SUPT3H: variants seen among roughly 807,000 people sequenced by gnomAD.
SUPT3H encodes the protein SPT3 homolog, SAGA and STAGA complex component.
In SUPT3H, 44 loss-of-function variants were observed where a neutral mutation model predicts 44.3. The observed-to-expected ratio is 0.99, with a 90% CI of 0.78 to 1.28. SUPT3H has a LOEUF of 1.28. Ranked by LOEUF, SUPT3H falls within the 50% of genes most tolerant of loss-of-function variation. The probability of loss-of-function intolerance (pLI) is 0.00; values close to 1 mark genes in which losing one functional copy is unlikely to be tolerated. For missense variants in SUPT3H, 380 were observed against 387.1 expected, an observed-to-expected ratio of 0.98 and a Z score of 0.15; for synonymous variants, 124 against 125.6, an observed-to-expected ratio of 0.99 and a Z score of 0.09.
intron 10 of SUPT3H, among the ~76,000 whole-genome samples, chr6:44,854,520 G>A (rs539332782): frequency 6.6e-6 from 1 of 152,242 alleles, no homozygotes; most frequent in Admixed American, 6.5e-5. Context: ...TGGCATCAAT[G>A]TTACTGAACA....
chr6:44,938,414 C>A (rs1590864), intron 9 of SUPT3H, among the ~76,000 whole-genome samples: 51,048 of 151,912 alleles, frequency 0.34, 9,497 homozygotes, highest in Admixed American at 0.41. Flanking sequence ...GGGTTACCTA[C>A]TCTCTTCCAT....
At chr6:45,257,876 A>G (rs1409430373) in intron 2 of SUPT3H, among the ~76,000 whole-genome samples, 1 of 152,230 alleles carries the variant, frequency 6.6e-6, no homozygotes, top group Non-Finnish European at 1.5e-5. Context: ...CTTTGCCACA[A>G]AATACCTCAT....
chr6:45,339,503 C>T (rs1789315945), intron 2 of SUPT3H, among the ~76,000 whole-genome samples: 1 of 152,046 alleles, frequency 6.6e-6, no homozygotes, highest in South Asian at 2.1e-4. Flanking sequence ...TCCTTTCTTT[C>T]CTTCCTTTTC....
chr6:45,087,396 A>G (rs1402166411), intron 3 of SUPT3H, among the ~76,000 whole-genome samples: 2 of 151,938 alleles, frequency 1.3e-5, no homozygotes, highest in African/African-American at 4.8e-5. Context: ...TGCTTCTCTT[A>G]AAATTTTAGT....
chr6:44,909,222 A>G (rs959437621), intron 10 of SUPT3H, among the ~76,000 whole-genome samples: 1 of 151,602 alleles, frequency 6.6e-6, no homozygotes, highest in Non-Finnish European at 1.5e-5. Flanking sequence ...TAAACTTGCT[A>G]TCCATATTTG....
intron 2 of SUPT3H, among the ~76,000 whole-genome samples, chr6:45,175,807 T>C (rs1021317423): frequency 1.3e-5 from 2 of 152,182 alleles, no homozygotes; most frequent in Admixed American, 6.5e-5. Flanking sequence ...AAAAATAAGC[T>C]TATACTGAGA....
At chr6:44,915,285 G>A (rs928870115) in intron 10 of SUPT3H, among the ~76,000 whole-genome samples, 1 of 152,182 alleles carries the variant, frequency 6.6e-6, no homozygotes, top group African/African-American at 2.4e-5. Flanking sequence ...GTAACTATCA[G>A]ATGCTAAGAT....
At chr6:45,268,466 G>C (rs1775604575) in intron 2 of SUPT3H, among the ~76,000 whole-genome samples, 1 of 152,088 alleles carries the variant, frequency 6.6e-6, no homozygotes, top group Admixed American at 6.6e-5. Flanking sequence ...ATTTTTTAAT[G>C]AACGATTCGG....
intron 6 of SUPT3H, among the ~76,000 whole-genome samples, chr6:44,996,950 C>A (rs1781353100): frequency 5.9e-5 from 9 of 151,648 alleles, no homozygotes; most frequent in Admixed American, 5.9e-4. Context: ...ACTAATTCTT[C>A]TTTATATTTA....
At chr6:45,271,007 C>T (rs1776043106) in intron 2 of SUPT3H, among the ~76,000 whole-genome samples, 1 of 152,104 alleles carries the variant, frequency 6.6e-6, no homozygotes. Flanking sequence ...GAACTTTGAA[C>T]TTGAGAGAGA....
intron 3 of SUPT3H, among the ~76,000 whole-genome samples, chr6:45,047,162 A>G (rs1398641024): frequency 1.3e-5 from 2 of 152,180 alleles, no homozygotes; most frequent in Non-Finnish European, 2.9e-5. Flanking sequence ...AGTCAGTTTT[A>G]CTTTTTTCTT....
At chr6:45,289,697 G>T (rs1198427084) in intron 2 of SUPT3H, among the ~76,000 whole-genome samples, 1 of 152,090 alleles carries the variant, frequency 6.6e-6, no homozygotes, top group African/African-American at 2.4e-5. Context: ...AAAGGAATAA[G>T]TAAACACGAG....
At chr6:45,216,931 T>G (rs1765151096) in intron 2 of SUPT3H, among the ~76,000 whole-genome samples, 1 of 152,100 alleles carries the variant, frequency 6.6e-6, no homozygotes, top group Non-Finnish European at 1.5e-5. Context: ...ATGTGGAAGC[T>G]AAAAAATTTG....
intron 10 of SUPT3H, among the ~76,000 whole-genome samples, chr6:44,830,177 G>A (rs1768373283): frequency 6.6e-6 from 1 of 152,172 alleles, no homozygotes; most frequent in South Asian, 2.1e-4. Context: ...TTATAAACAT[G>A]TGTTCTCTAT....
chr6:45,178,536 A>T (rs1022711987), intron 2 of SUPT3H, among the ~76,000 whole-genome samples: 10 of 152,024 alleles, frequency 6.6e-5, no homozygotes, highest in Admixed American at 1.3e-4. Flanking sequence ...GATACCCAGG[A>T]ATTGAACTCA....
chr6:45,145,743 G>T (rs1200173567), intron 2 of SUPT3H, among the ~76,000 whole-genome samples: 2 of 151,982 alleles, frequency 1.3e-5, no homozygotes, highest in Non-Finnish European at 2.9e-5. Context: ...CAGAGTAGAA[G>T]AAAATAGTCA....
intron 10 of SUPT3H, among the ~76,000 whole-genome samples, chr6:44,925,082 A>C (rs1456662668): frequency 6.6e-6 from 1 of 152,184 alleles, no homozygotes; most frequent in African/African-American, 2.4e-5. Flanking sequence ...AATTCTTTAA[A>C]AATTTTTCAT....
chr6:44,889,736 G>A (rs1762970364), intron 10 of SUPT3H, among the ~76,000 whole-genome samples: 1 of 152,046 alleles, frequency 6.6e-6, no homozygotes, highest in African/African-American at 2.4e-5. Context: ...CAAAAGCAAT[G>A]GCAACCAAAG....
chr6:45,059,419 G>A (rs147718801), intron 3 of SUPT3H, among the ~76,000 whole-genome samples: 5 of 151,944 alleles, frequency 3.3e-5, no homozygotes, highest in African/African-American at 4.8e-5. Context: ...AATAAACTAG[G>A]AATTGAAGGA....
Sources: gnomAD v4.1 joint callset for allele counts (sites outside exome capture counted in the v4.1 genomes callset) on GRCh38, gnomAD v4.1.1 for gene constraint, MANE v1.5 for transcripts, NCBI Gene and HGNC (gene_info 2026-07-23, HGNC 2026-07-21) for gene names.